The following CLVS1 variants were observed in gnomAD, a reference collection of about 807,000 sequenced individuals.
CLVS1 encodes the protein clavesin 1.
CLVS1 carries 10 observed loss-of-function variants against 33.1 expected under a neutral mutation model. That is an observed-to-expected ratio of 0.30 (90% CI 0.19 to 0.51). The LOEUF (loss-of-function observed/expected upper bound fraction) is 0.51, where lower values mean the gene tolerates loss of function less well. CLVS1 is among the 20% of genes least tolerant of loss of function. The pLI, the probability that CLVS1 is intolerant of heterozygous loss-of-function variation, is 0.97. For missense variants in CLVS1, 343 were observed against 433.4 expected (o/e 0.79, Z 1.85); for synonymous variants, 163 against 166.1 (o/e 0.98, Z 0.14).
At chr8:61,425,800 G>C (rs1200364821) in intron 3 of CLVS1, among the ~76,000 whole-genome samples, 1 of 152,202 alleles carries the variant, frequency 6.6e-6, no homozygotes, top group African/African-American at 2.4e-5. Context: ...GCATAAAAGT[G>C]AGGGAGAGTA....
chr8:61,238,188 G>C (rs1280641363), intron 2 of CLVS1, among the ~76,000 whole-genome samples: 3 of 152,118 alleles, frequency 2.0e-5, no homozygotes, highest in Admixed American at 6.6e-5. Flanking sequence ...ATTTTAAAAA[G>C]AGAAACAAAA....
chr8:61,404,456 T>A (rs1814899744), intron 3 of CLVS1, among the ~76,000 whole-genome samples: 1 of 152,204 alleles, frequency 6.6e-6, no homozygotes, highest in Non-Finnish European at 1.5e-5. Flanking sequence ...CCATGGGAAC[T>A]TTTTTTCAAA....
At chr8:61,068,813 A>T (rs554860008) in intron 1 of CLVS1, among the ~76,000 whole-genome samples, 2 of 150,862 alleles carry the variant, frequency 1.3e-5, no homozygotes, top group Non-Finnish European at 1.5e-5. Flanking sequence ...CCACACACAC[A>T]CCTCCCGGGG....
At chr8:61,109,605 G>A (rs966901634) in intron 1 of CLVS1, among the ~76,000 whole-genome samples, 1 of 152,140 alleles carries the variant, frequency 6.6e-6, no homozygotes, top group Non-Finnish European at 1.5e-5. Context: ...AGCTGCTATG[G>A]TTTGCATGTG....
upstream of CLVS1, chr8:61,287,869 G>T: frequency 3.0e-6 from 1 of 337,282 alleles, no homozygotes; most frequent in Non-Finnish European, 5.8e-6. Flanking sequence ...AATAATTATT[G>T]GTACGTCTCA....
intron 5 of CLVS1, chr8:61,465,805 G>C (rs942970404): frequency 6.6e-6 from 1 of 152,216 alleles, no homozygotes; most frequent in Non-Finnish European, 1.5e-5. Flanking sequence ...GGGACTACAG[G>C]TATGCACCAC....
intron 2 of CLVS1, among the ~76,000 whole-genome samples, chr8:61,246,977 G>T (rs1808825309): frequency 6.6e-6 from 1 of 152,000 alleles, no homozygotes; most frequent in African/African-American, 2.4e-5. Context: ...CACTCAAGCA[G>T]ACCCCAGTGT....
chr8:61,215,415 G>A (rs138001464), intron 2 of CLVS1, among the ~76,000 whole-genome samples: 2 of 152,292 alleles, frequency 1.3e-5, no homozygotes, highest in East Asian at 3.9e-4. Context: ...TTGTACTAAA[G>A]TCACTGTGTA....
Position 61,181,697 on chromosome 8 carries a change from C to CTTTTTTTTTT in CLVS1, c.-152+49848_-152+49857dup, listed in dbSNP as rs369025438. The stretch of plus-strand genomic sequence containing the variant: ...TACCACACATCTACAACCATCTGAT[C>CTTTTTTTTTT]TTTTTTTTTTTTTTTTTTTTGAGAT... On this transcript the variant is annotated intron_variant, in intron 2 of 2. Transcript: ENST00000522621. 1.9e-3 allele frequency among the ~76,000 whole-genome samples: 201 copies of CTTTTTTTTTT among 103,160 alleles called. 1 individual carries two copies. The highest frequency in any genetic ancestry group is 3.0e-3 in the Non-Finnish European group (162 of 53,524). 67.7% of individuals were successfully genotyped at this position (103,160 alleles called of 152,430 possible).
intron 5 of CLVS1, among the ~76,000 whole-genome samples, chr8:61,497,064 A>G (rs2129608844): frequency 6.6e-6 from 1 of 152,332 alleles, no homozygotes; most frequent in South Asian, 2.1e-4. Context: ...AATATAGGTC[A>G]AGAACTTCTT....
At chr8:61,150,132 C>T (rs1585645421) in intron 2 of CLVS1, among the ~76,000 whole-genome samples, 1 of 45,562 alleles carries the variant, frequency 2.2e-5, no homozygotes, top group South Asian at 5.2e-4. Flanking sequence ...GTGTGTGACT[C>T]TCCTGCAAGG....
chr8:61,377,964 T>G (rs1384531892), intron 3 of CLVS1: 1 of 152,208 alleles, frequency 6.6e-6, no homozygotes, highest in Non-Finnish European at 1.5e-5. Flanking sequence ...CTGCCTTGCC[T>G]AATCATAGAC....
At chr8:61,098,263 G>A (rs566735822) in intron 1 of CLVS1, among the ~76,000 whole-genome samples, 6 of 152,196 alleles carry the variant, frequency 3.9e-5, no homozygotes, top group Admixed American at 2.6e-4. Flanking sequence ...CATAAACCCT[G>A]GGTTGGGACA....
intron 2 of CLVS1, among the ~76,000 whole-genome samples, chr8:61,373,085 T>C (rs1813503615): frequency 6.6e-6 from 1 of 152,214 alleles, no homozygotes; most frequent in Non-Finnish European, 1.5e-5. Context: ...ACATAAATTA[T>C]TAAGTCTGAT....
At chr8:61,470,086 AG>A (rs1304041819) in intron 5 of CLVS1, among the ~76,000 whole-genome samples, 1 of 152,242 alleles carries the variant, frequency 6.6e-6, no homozygotes, top group Non-Finnish European at 1.5e-5. Flanking sequence ...TAAAGATTGA[AG>A]AAAAATAGCT....
At chr8:60,984,646 T>C in the CLVS1 span, among the ~76,000 whole-genome samples, 1 of 152,166 alleles carries the variant, frequency 6.6e-6, no homozygotes, top group Non-Finnish European at 1.5e-5. Context: ...CTAGTTCTAT[T>C]CACACCATTA....
chr8:60,968,888 C>A, the CLVS1 span, among the ~76,000 whole-genome samples: 4 of 147,896 alleles, frequency 2.7e-5, no homozygotes, highest in Admixed American at 6.7e-5. Context: ...GACCCTGTTT[C>A]AAAAAAAATA....
intron 3 of CLVS1, among the ~76,000 whole-genome samples, chr8:61,407,002 C>T (rs1815019070): frequency 6.6e-6 from 1 of 152,170 alleles, no homozygotes; most frequent in Non-Finnish European, 1.5e-5. Context: ...GTATATTGAA[C>T]TTCATTATAA....
In CLVS1 at chr8:61,471,816, T is replaced by G. The variant is rs77165396; in HGVS notation, c.977+13274T>G. Among the ~76,000 whole-genome samples the G allele has an allele frequency of 7.6e-3, 1,159 of 152,310 alleles. 7 individuals carry two copies. Among genetic ancestry groups the G allele is most frequent in the Non-Finnish European group, 0.013 (871 of 68,038 alleles). On this transcript the variant is annotated intron_variant, in intron 5 of 5. Coordinates refer to ENST00000325897, the MANE Select transcript of CLVS1 (RefSeq NM_173519.3). ...TCTTTATTAGTGTTGCTCCTTTTGC[T>G]CCAGCCCTCAAATCTAAACTGTTAT...
Sources: allele counts gnomAD v4.1 joint callset (sites outside exome capture counted in the v4.1 genomes callset), GRCh38; gene constraint gnomAD v4.1.1; transcripts MANE v1.5; gene names NCBI Gene and HGNC (gene_info 2026-07-23, HGNC 2026-07-21).